PXT1: variants seen among roughly 807,000 people sequenced by gnomAD.
The protein encoded by PXT1 is peroxisomal testis enriched protein 1.
In PXT1, 11 loss-of-function variants were observed where a neutral mutation model predicts 11.0. The ratio of observed to expected loss-of-function variants is 1.00; its 90% CI spans 0.63 to 1.66. The LOEUF is 1.66. PXT1 is among the 40% of genes most tolerant of loss of function. The probability of loss-of-function intolerance (pLI) is 0.00; values close to 1 mark genes in which losing one functional copy is unlikely to be tolerated. For synonymous variants in PXT1, 43 were observed against 51.4 expected (o/e 0.84, Z 0.70); for missense variants, 141 against 155.5 (o/e 0.91, Z 0.49).
intron 4 of PXT1, chr6:36,393,150 T>C (rs1774093812): frequency 6.6e-6 from 1 of 152,064 alleles, no homozygotes. Flanking sequence ...TTTTTTTGTA[T>C]TTTTAGTAGA....
Position 36,390,617 on chromosome 6 carries a change from A to G in PXT1, c.*1153T>C, listed in dbSNP as rs1213783038. On this transcript the variant is annotated 3_prime_UTR_variant, in exon 5 of 5. Coordinates refer to ENST00000454782, the MANE Select transcript of PXT1 (RefSeq NM_152990.4). ...AATTTTTTAAAATAACACTTCCCCTATGAAGAACTCAAGATACATATGTAA... is the reference window on the plus strand; with the variant it reads ...AATTTTTTAAAATAACACTTCCCCTGTGAAGAACTCAAGATACATATGTAA... The G allele has an allele frequency of 6.6e-6, 1 of 152,330 alleles. No homozygotes were observed. The highest frequency in any genetic ancestry group is 1.9e-4 in the East Asian group (1 of 5,192). The allele number at this position is 152,330 out of a possible 1,614,324, so 9.4% of individuals were successfully genotyped here.
At chr6:36,396,959 G>A (rs1474986465) in intron 4 of PXT1, among the ~76,000 whole-genome samples, 1 of 150,676 alleles carries the variant, frequency 6.6e-6, no homozygotes, top group African/African-American at 2.4e-5. Context: ...CAGACATTGG[G>A]ACGACTAGTT....
chr6:36,417,063 C>T (rs953954951), intron 3 of PXT1, among the ~76,000 whole-genome samples: 3 of 152,048 alleles, frequency 2.0e-5, no homozygotes, highest in Non-Finnish European at 4.4e-5. Context: ...AATAACTTAA[C>T]GGCCGGGCAC....
intron 2 of PXT1, among the ~76,000 whole-genome samples, chr6:36,429,581 C>G (rs1229418304): frequency 7.1e-6 from 1 of 141,466 alleles, no homozygotes; most frequent in African/African-American, 2.7e-5. Context: ...TCTCGGTTCA[C>G]TGCAACCTCC....
chr6:36,394,805 T>C (rs1358116524), intron 4 of PXT1, among the ~76,000 whole-genome samples: 1 of 151,990 alleles, frequency 6.6e-6, no homozygotes, highest in African/African-American at 2.4e-5. Flanking sequence ...TAGAAGATTT[T>C]TTTTTTCTTT....
intron 2 of PXT1, among the ~76,000 whole-genome samples, chr6:36,431,937 G>C (rs976873590): frequency 4.6e-5 from 7 of 152,042 alleles, no homozygotes; most frequent in Admixed American, 1.3e-4. Flanking sequence ...CGGGCATGGT[G>C]GTGGGCATCT....
chr6:36,425,582 C>T (rs1463832180), intron 3 of PXT1, among the ~76,000 whole-genome samples: 1 of 151,630 alleles, frequency 6.6e-6, no homozygotes, highest in Non-Finnish European at 1.5e-5. Context: ...GTCAGGGGTT[C>T]GAGACCAGCC....
rs1774265331 is a variant in PXT1 at position 36,404,801 on chromosome 6, T to C, written c.170-4217A>G. 2.0e-5 allele frequency among the ~76,000 whole-genome samples: 3 copies of C among 152,018 alleles called. No individual in the cohort carries two copies. In the South Asian group the frequency reaches 6.2e-4, roughly 32 times the overall value. On this transcript the variant is annotated intron_variant, in intron 3 of 4. Transcript: ENST00000454782. ...GGTGAAACCCTGTCTCTATTAAAAA[T>C]ACAAAAATTAGCCGGGCGTGGTGGC...
At chr6:36,400,720 G>A (rs1204000035) in intron 3 of PXT1, 136 bp from the exon 4 acceptor site, 17 of 908,408 alleles carry the variant, frequency 1.9e-5, no homozygotes, top group Non-Finnish European at 2.2e-5. Flanking sequence ...TGTAATCCCA[G>A]CACTTTAGGA....
Position 36,425,943 on chromosome 6 carries a change from T to C in PXT1, c.140A>G (p.Gln47Arg). Reference sequence around the variant, plus strand: ...GTTCCTTGACATGGCTGGAACTGGCTGGGAGCTGACAAGTTGGGTCATGTA... The same window carrying C: ...GTTCCTTGACATGGCTGGAACTGGCCGGGAGCTGACAAGTTGGGTCATGTA... The part of the protein sequence containing the change: ...KAYMTQLVSS[Q>R]PVPAMSRNPD... The change falls in exon 3 of 5, where the codon CAG becomes CGG. Residue 47 changes from glutamine to arginine, a missense_variant. Gln to Arg is a conservative substitution (Grantham distance 43). Coordinates refer to ENST00000454782, the MANE Select transcript of PXT1 (RefSeq NM_152990.4). The C allele has an allele frequency of 6.5e-7, 1 of 1,535,682 alleles. No individual in the cohort carries two copies. Among genetic ancestry groups the C allele is most frequent in the Non-Finnish European group, 8.7e-7 (1 of 1,146,442 alleles).
chr6:36,401,169 T>G (rs1004497440), intron 3 of PXT1, among the ~76,000 whole-genome samples: 20 of 151,684 alleles, frequency 1.3e-4, no homozygotes, highest in African/African-American at 4.8e-4. Context: ...AATATTATTA[T>G]AACATTAATA....
chr6:36,431,247 C>T (rs1166956747), intron 2 of PXT1, among the ~76,000 whole-genome samples: 1 of 152,136 alleles, frequency 6.6e-6, no homozygotes, highest in African/African-American at 2.4e-5. Flanking sequence ...ATGCTGAACT[C>T]TAAATAATTA....
intron 4 of PXT1, among the ~76,000 whole-genome samples, chr6:36,393,955 A>C (rs1561923435): frequency 6.6e-6 from 1 of 152,202 alleles, no homozygotes; most frequent in Non-Finnish European, 1.5e-5. Flanking sequence ...TCCGGTACTT[A>C]AACAGAGCCT....
chr6:36,422,324 C>T (rs1480238027), intron 3 of PXT1, among the ~76,000 whole-genome samples: 1 of 152,144 alleles, frequency 6.6e-6, no homozygotes, highest in African/African-American at 2.4e-5. Context: ...CCAGTTCTCC[C>T]TTGCACAAGC....
chr6:36,400,167 CT>C (rs1345025522), intron 4 of PXT1, among the ~76,000 whole-genome samples: 1 of 152,168 alleles, frequency 6.6e-6, no homozygotes, highest in Non-Finnish European at 1.5e-5. Flanking sequence ...CTGATTCTGA[CT>C]GTGTGGGCTG....
chr6:36,398,819 TC>T lies in PXT1; in HGVS notation c.300+1634del, dbSNP rs1230761687. 4.5e-3 allele frequency among the ~76,000 whole-genome samples: 690 copies of T among 152,256 alleles called. 4 individuals are homozygous for T. Among genetic ancestry groups the T allele is most frequent in the African/African-American group, 0.015 (634 of 41,534 alleles). ...AAATATCACCTTCCCAGAGATGCCT[TC>T]CCTGACAGCCCATTGGAAGTCACTC... On this transcript the variant is annotated intron_variant, in intron 4 of 4. Transcript: ENST00000454782.
chr6:36,391,552 C>A lies in PXT1; in HGVS notation c.*218G>T, dbSNP rs991716515. 22 of 556,630 alleles carry A rather than the reference C, an allele frequency of 4.0e-5. No individual in the cohort carries two copies. The East Asian group carries it at 7.0e-4, about 18-fold the overall frequency. The allele number at this position is 556,630 out of a possible 1,614,324, so 34.5% of individuals were successfully genotyped here. A position where few individuals can be genotyped will look rare whatever the true frequency, so the allele number is the denominator to read the frequency against. On this transcript the variant is annotated 3_prime_UTR_variant, in exon 5 of 5. Transcript: ENST00000454782. ...GGTCCTAATTACTCCTTGGGCTTTA[C>A]CGTGATGTGATCGCAGACATCTCAT...
rs190103836 is a variant in PXT1, at chr6:36,442,646, T to G, written c.-241A>C. 2.0e-5 allele frequency: 3 copies of G among 152,294 alleles called. No homozygotes were observed. Among genetic ancestry groups the G allele is most frequent in the Admixed American group, 1.3e-4 (2 of 15,300 alleles). The allele number at this position is 152,294 out of a possible 1,614,324, so 9.4% of individuals were successfully genotyped here. A position where few individuals can be genotyped will look rare whatever the true frequency, so the allele number is the denominator to read the frequency against. On this transcript the variant is annotated 5_prime_UTR_variant, in exon 1 of 5. Coordinates refer to ENST00000454782, the MANE Select transcript of PXT1 (RefSeq NM_152990.4). ...AGCAAATGCGTTTAAGCAACTCCAG[T>G]ATTCTTACTACGCTACCTCCAACCT...
intron 3 of PXT1, among the ~76,000 whole-genome samples, chr6:36,411,040 T>A (rs774675010): frequency 5.9e-5 from 9 of 152,356 alleles, no homozygotes; most frequent in Admixed American, 3.9e-4. Context: ...ACCTGCATAA[T>A]CAGTATGTGT....
Sources: gnomAD v4.1 joint callset for allele counts (sites outside exome capture counted in the v4.1 genomes callset) on GRCh38, gnomAD v4.1.1 for gene constraint, MANE v1.5 for transcripts, NCBI Gene and HGNC (gene_info 2026-07-23, HGNC 2026-07-21) for gene names.